The following PIP5K1B variants were observed in gnomAD, a reference collection of about 807,000 sequenced individuals.
The protein encoded by PIP5K1B is phosphatidylinositol 4-phosphate 5-kinase type-1 beta.
In PIP5K1B, 42 loss-of-function variants were observed where a neutral mutation model predicts 67.0. The observed-to-expected ratio is 0.63, with a 90% CI of 0.49 to 0.81. PIP5K1B has a LOEUF of 0.81. Ranked by LOEUF, PIP5K1B falls within the 30% of genes least tolerant of loss-of-function variation. PIP5K1B has a pLI of 0.00. For synonymous variants in PIP5K1B, 214 were observed against 231.4 expected (o/e 0.92, Z 0.68); for missense variants, 459 against 646.3 (o/e 0.71, Z 3.14).
At chr9:68,753,515 CTTTTTTTTTT>C (rs71500334) in intron 2 of PIP5K1B, among the ~76,000 whole-genome samples, 13 of 38,282 alleles carry the variant, frequency 3.4e-4, no homozygotes, top group African/African-American at 1.1e-3. Context: ...AATTTTGTTT[CTTTTTTTTTT>C]TTTTTTTTTT....
At chr9:68,911,974 G>A (rs1283312453) in intron 8 of PIP5K1B, among the ~76,000 whole-genome samples, 1 of 152,156 alleles carries the variant, frequency 6.6e-6, no homozygotes, top group Middle Eastern at 3.2e-3. Context: ...CAGATTAAAT[G>A]CAACAATTTA....
rs1052753672 is a variant in PIP5K1B, at chr9:68,808,908, A to G, written c.-85-9553A>G. Among the ~76,000 whole-genome samples, 3 of 152,320 alleles carry G rather than the reference A, an allele frequency of 2.0e-5. No homozygotes were observed. The South Asian group carries it at 6.2e-4, about 32-fold the overall frequency. On this transcript the variant is annotated intron_variant, in intron 2 of 15. Coordinates refer to ENST00000265382, the MANE Select transcript of PIP5K1B (RefSeq NM_003558.4). ...GATACATGAAGTGAAACCTCATTTA[A>G]ATTATTTTCATCAGTAAGAATAGGA...
chr9:68,960,005 T>C (rs1350903590), intron 14 of PIP5K1B, among the ~76,000 whole-genome samples: 2 of 152,174 alleles, frequency 1.3e-5, no homozygotes, highest in Non-Finnish European at 1.5e-5. Flanking sequence ...TGCTTCATAG[T>C]GTTTATATTT....
chr9:68,785,559 G>A (rs1194176218), intron 2 of PIP5K1B, among the ~76,000 whole-genome samples: 1 of 152,196 alleles, frequency 6.6e-6, no homozygotes, highest in Non-Finnish European at 1.5e-5. Context: ...CTTGCTATGT[G>A]TCAGGGACTG....
At chr9:68,823,085 G>C (rs1286569177) in intron 4 of PIP5K1B, among the ~76,000 whole-genome samples, 4 of 152,170 alleles carry the variant, frequency 2.6e-5, no homozygotes, top group African/African-American at 9.7e-5. Context: ...ACTTTAAAGG[G>C]CCTGTGTGAT....
At chr9:68,810,964 A>G (rs913887240) in intron 2 of PIP5K1B, among the ~76,000 whole-genome samples, 1 of 152,200 alleles carries the variant, frequency 6.6e-6, no homozygotes, top group Non-Finnish European at 1.5e-5. Flanking sequence ...TGGTGGAAAG[A>G]GCATTAGTTT....
chr9:68,835,837 ATT>A (rs9314823), intron 4 of PIP5K1B, among the ~76,000 whole-genome samples: 16 of 144,278 alleles, frequency 1.1e-4, no homozygotes, highest in Admixed American at 1.4e-4. Flanking sequence ...TAGAAAGTGA[ATT>A]TTTTTTTTTT....
At chr9:68,778,221 G>T (rs1185707666) in intron 2 of PIP5K1B, among the ~76,000 whole-genome samples, 2 of 152,164 alleles carry the variant, frequency 1.3e-5, no homozygotes, top group African/African-American at 4.8e-5. Context: ...AGTGCCTTTT[G>T]CAATTTTTGA....
intron 4 of PIP5K1B, among the ~76,000 whole-genome samples, chr9:68,824,822 G>T (rs944856): frequency 3.9e-5 from 6 of 152,062 alleles, no homozygotes; most frequent in Middle Eastern, 3.4e-3. Context: ...GGTGGACTTA[G>T]GAGTTAGCTA....
chr9:68,779,466 G>A (rs915665293), intron 2 of PIP5K1B, among the ~76,000 whole-genome samples: 1 of 152,112 alleles, frequency 6.6e-6, no homozygotes, highest in African/African-American at 2.4e-5. Context: ...CTCCCAATAT[G>A]TATTCTCCAG....
intron 2 of PIP5K1B, among the ~76,000 whole-genome samples, chr9:68,757,018 T>C (rs1332619527): frequency 2.0e-5 from 3 of 152,194 alleles, no homozygotes; most frequent in Admixed American, 1.3e-4. Flanking sequence ...GACACGCAGG[T>C]TTCATTAGAA....
intron 14 of PIP5K1B, among the ~76,000 whole-genome samples, chr9:68,952,322 C>T (rs1033804850): frequency 4.6e-5 from 7 of 152,110 alleles, no homozygotes; most frequent in African/African-American, 1.4e-4. Context: ...CAGAAGTTTC[C>T]GCCAGACACT....
chr9:68,787,915 G>A (rs1038479620), intron 2 of PIP5K1B, among the ~76,000 whole-genome samples: 6 of 152,202 alleles, frequency 3.9e-5, no homozygotes, highest in South Asian at 2.1e-4. Flanking sequence ...TTACAGGCTT[G>A]AGCCACCATA....
In PIP5K1B at chr9:68,923,344, T is replaced by C. The variant is rs1205123369; in HGVS notation, c.1159T>C (p.Phe387Leu). Residue 387 changes from phenylalanine (F) to leucine (L), a missense_variant, in exon 12 of 16, where the codon TTT (phenylalanine) becomes CTT (leucine). By Grantham distance (22) the Phe-to-Leu change is conservative. This residue lies in a region of PIP5K1B where 290 missense variants were observed against 474.4 expected (regional missense o/e 0.61). Coordinates refer to ENST00000265382, the MANE Select transcript of PIP5K1B (RefSeq NM_003558.4). The part of the protein sequence containing the change: ...VHRPSFYADR[F>L]LKFMNSRVFK... Reference sequence around the variant, plus strand: ...TAGACCAAGCTTTTATGCAGACAGATTTCTTAAGTTCATGAATTCCAGAGT... The same window carrying C: ...TAGACCAAGCTTTTATGCAGACAGACTTCTTAAGTTCATGAATTCCAGAGT... 2 of 1,603,502 alleles carry C rather than the reference T, an allele frequency of 1.2e-6. No homozygotes were observed. The highest frequency in any genetic ancestry group is 4.5e-5 in the East Asian group (2 of 44,780).
chr9:68,983,030 G>A (rs1032694704), intron 14 of PIP5K1B, among the ~76,000 whole-genome samples: 4 of 152,106 alleles, frequency 2.6e-5, no homozygotes, highest in Admixed American at 6.6e-5. Flanking sequence ...TTTCTCTTCA[G>A]TAGTGCATAT....
Position 68,810,723 on chromosome 9 carries a change from G to A in PIP5K1B, c.-85-7738G>A, listed in dbSNP as rs112263305. On this transcript the variant is annotated intron_variant, in intron 2 of 15. Transcript: ENST00000265382. ...CAGGCACAATATATCTAAAACTTTC[G>A]GTAACTATAGAGTTTTAAAAAGCTC... Among the ~76,000 whole-genome samples the A allele has an allele frequency of 1.2e-4, 18 of 152,164 alleles. 1 individual carries two copies. The East Asian group carries it at 2.1e-3, about 18-fold the overall frequency.
chr9:68,818,117 G>A (rs76634156), intron 2 of PIP5K1B, among the ~76,000 whole-genome samples: 16,919 of 152,210 alleles, frequency 0.11, 1,224 homozygotes, highest in Non-Finnish European at 0.17. Context: ...CCAGATACCT[G>A]TGGTTCATTT....
chr9:68,883,369 G>A (rs1489993960), intron 6 of PIP5K1B, among the ~76,000 whole-genome samples: 2 of 152,170 alleles, frequency 1.3e-5, no homozygotes. Context: ...GTAGGCTTAG[G>A]CTCTAATGCT....
At chr9:68,971,930 G>T (rs538159519) in intron 14 of PIP5K1B, among the ~76,000 whole-genome samples, 2 of 152,174 alleles carry the variant, frequency 1.3e-5, no homozygotes, top group African/African-American at 4.8e-5. Flanking sequence ...CTTCCATTCT[G>T]TAGGTTGCCT....
Sources: gnomAD v4.1 joint callset for allele counts (sites outside exome capture counted in the v4.1 genomes callset) on GRCh38, gnomAD v4.1.1 for gene constraint, gnomAD v4.1.1 regional missense constraint, MANE v1.5 for transcripts, NCBI Gene and HGNC (gene_info 2026-07-23, HGNC 2026-07-21) for gene names.